The following SPMAP2L variants were observed in gnomAD, a reference collection of about 807,000 sequenced individuals.
SPMAP2L encodes the protein sperm microtubule associated protein 2 like, also known as sperm microtubule associated protein 2-like.
chr4:56,613,838 G>C, the SPMAP2L span, among the ~76,000 whole-genome samples: 1 of 152,206 alleles, frequency 6.6e-6, no homozygotes, highest in South Asian at 2.1e-4. Context: ...GAAAGGATTT[G>C]AATGCAGGAC....
chr4:56,555,566 A>T, the SPMAP2L span, among the ~76,000 whole-genome samples: 1 of 152,142 alleles, frequency 6.6e-6, no homozygotes, highest in African/African-American at 2.4e-5. Context: ...TTGATATCTT[A>T]ATATTGAGTC....
the SPMAP2L span, among the ~76,000 whole-genome samples, chr4:56,549,280 C>G: frequency 2.0e-5 from 3 of 152,152 alleles, no homozygotes; most frequent in Non-Finnish European, 4.4e-5. Context: ...AGCCATCGTG[C>G]CTAGCTGGAG....
the SPMAP2L span, among the ~76,000 whole-genome samples, chr4:56,581,607 G>A: frequency 1.3e-5 from 2 of 151,028 alleles, no homozygotes; most frequent in East Asian, 3.9e-4. Context: ...GTGACAGAAC[G>A]AGACCCTGTC....
At chr4:56,593,143 T>G in the SPMAP2L span, 6 of 1,574,162 alleles carry the variant, frequency 3.8e-6, no homozygotes, top group Non-Finnish European at 4.4e-6. Context: ...CCCAGTATAC[T>G]CCATACCAGC....
the SPMAP2L span, among the ~76,000 whole-genome samples, chr4:56,546,836 C>T: frequency 4.1e-5 from 5 of 121,676 alleles, no homozygotes; most frequent in East Asian, 1.5e-3. Context: ...AGTGCTGCAA[C>T]TTTCATGGGT....
the SPMAP2L span, among the ~76,000 whole-genome samples, chr4:56,558,694 T>C: frequency 3.3e-5 from 5 of 152,200 alleles, no homozygotes; most frequent in African/African-American, 1.2e-4. Flanking sequence ...TGAGCTGTTA[T>C]ATTTACCCCT....
the SPMAP2L span, among the ~76,000 whole-genome samples, chr4:56,567,319 T>C: frequency 2.6e-4 from 40 of 151,708 alleles, no homozygotes; most frequent in African/African-American, 9.2e-4. Context: ...CAGGCTGGAG[T>C]ACAGTGGTAC....
chr4:56,616,217 C>T, the SPMAP2L span, among the ~76,000 whole-genome samples: 31 of 152,290 alleles, frequency 2.0e-4, no homozygotes, highest in African/African-American at 7.0e-4. Flanking sequence ...GATCTCTGTC[C>T]TTGGCAATCT....
the SPMAP2L span, among the ~76,000 whole-genome samples, chr4:56,584,061 G>A: frequency 6.6e-6 from 1 of 151,882 alleles, no homozygotes; most frequent in Non-Finnish European, 1.5e-5. Context: ...TGACCTCTTG[G>A]GCTCAAGTGA....
At chr4:56,589,236 G>A in the SPMAP2L span, among the ~76,000 whole-genome samples, 25 of 151,924 alleles carry the variant, frequency 1.6e-4, no homozygotes, top group Middle Eastern at 3.4e-3. Flanking sequence ...TGATCTGCCC[G>A]CCTTGGCCTC....
the SPMAP2L span, chr4:56,530,657 G>C: frequency 6.5e-7 from 1 of 1,529,540 alleles, no homozygotes; most frequent in Non-Finnish European, 8.7e-7. Context: ...TCCCGCGCGC[G>C]ACAGAAGCTT....
the SPMAP2L span, chr4:56,594,130 G>C: frequency 0.25 from 408,683 of 1,607,484 alleles, 55,836 homozygotes; most frequent in East Asian, 0.53. Flanking sequence ...TTGTTTGTGA[G>C]TCATCTGCAG....
At chr4:56,559,311 A>G in the SPMAP2L span, 11 of 1,115,466 alleles carry the variant, frequency 9.9e-6, no homozygotes, top group Non-Finnish European at 1.2e-5. Flanking sequence ...CTCAAAAAAA[A>G]AAAAAAAAAA....
At chr4:56,546,888 C>T in the SPMAP2L span, among the ~76,000 whole-genome samples, 3 of 152,194 alleles carry the variant, frequency 2.0e-5, no homozygotes, top group Non-Finnish European at 2.9e-5. Flanking sequence ...GTAGACTACT[C>T]TCCCTTTTCC....
At chr4:56,624,851 G>C in the SPMAP2L span, among the ~76,000 whole-genome samples, 4 of 152,210 alleles carry the variant, frequency 2.6e-5, no homozygotes, top group African/African-American at 9.6e-5. Context: ...GTGTGGAAGG[G>C]AAATGTGGGG....
At chr4:56,625,255 T>C in the SPMAP2L span, among the ~76,000 whole-genome samples, 1 of 152,216 alleles carries the variant, frequency 6.6e-6, no homozygotes, top group Non-Finnish European at 1.5e-5. Context: ...GTACTCCCAT[T>C]GTATCTAGGA....
At chr4:56,619,933 G>T in the SPMAP2L span, among the ~76,000 whole-genome samples, 1 of 152,240 alleles carries the variant, frequency 6.6e-6, no homozygotes, top group African/African-American at 2.4e-5. Flanking sequence ...TCTCCATGGA[G>T]TGGCTGTTGT....
the SPMAP2L span, among the ~76,000 whole-genome samples, chr4:56,551,348 C>T: frequency 1.3e-5 from 2 of 152,076 alleles, no homozygotes; most frequent in African/African-American, 2.4e-5. Flanking sequence ...GAATTGGTCC[C>T]TTCTGGGACC....
the SPMAP2L span, among the ~76,000 whole-genome samples, chr4:56,561,345 A>G: frequency 6.6e-6 from 1 of 152,192 alleles, no homozygotes; most frequent in East Asian, 1.9e-4. Flanking sequence ...TTTTGCTACA[A>G]CAGAATACCT....
Sources: allele counts gnomAD v4.1 joint callset (sites outside exome capture counted in the v4.1 genomes callset), GRCh38; gene constraint gnomAD v4.1.1; transcripts MANE v1.5; gene names NCBI Gene and HGNC (gene_info 2026-07-23, HGNC 2026-07-21).